KPNA7: variants seen among roughly 807,000 people sequenced by gnomAD.
KPNA7 encodes the protein importin subunit alpha-8.
Under a neutral mutation model 53.7 loss-of-function variants are expected in KPNA7, and 54 were observed. The observed-to-expected ratio is 1.01, with a 90% CI of 0.81 to 1.26. The LOEUF (loss-of-function observed/expected upper bound fraction) is 1.26, where lower values mean the gene tolerates loss of function less well. Ranked by LOEUF, KPNA7 falls within the 50% of genes most tolerant of loss-of-function variation. KPNA7 has a pLI of 0.00. For synonymous variants in KPNA7, 276 were observed against 259.3 expected (o/e 1.06, Z -0.62); for missense variants, 640 against 644.5 (o/e 0.99, Z 0.07).
the KPNA7 span, among the ~76,000 whole-genome samples, chr7:99,157,188 T>C: frequency 6.6e-6 from 1 of 152,290 alleles, no homozygotes; most frequent in East Asian, 1.9e-4. Flanking sequence ...ATGGTTGTTT[T>C]GTTCATTTGC....
At chr7:99,205,273 A>T (rs1478061012) in intron 2 of KPNA7, among the ~76,000 whole-genome samples, 2 of 151,846 alleles carry the variant, frequency 1.3e-5, no homozygotes, top group Non-Finnish European at 2.9e-5. Flanking sequence ...ATGCAAAAAA[A>T]AAAATTAGCC....
At chr7:99,172,615 C>G (rs1745626255), downstream of KPNA7, among the ~76,000 whole-genome samples, 1 of 152,112 alleles carries the variant, frequency 6.6e-6, no homozygotes, top group Non-Finnish European at 1.5e-5. Context: ...CACACGCACT[C>G]TCTTTCTTTC....
At chr7:99,215,757 GA>G (rs1380951881) in intron 1 of KPNA7, among the ~76,000 whole-genome samples, 1 of 151,994 alleles carries the variant, frequency 6.6e-6, no homozygotes, top group East Asian at 1.9e-4. Context: ...AGGATTATTT[GA>G]GACCAGGAGT....
At chr7:99,193,529 A>G (rs1790070190) in intron 5 of KPNA7, among the ~76,000 whole-genome samples, 1 of 152,248 alleles carries the variant, frequency 6.6e-6, no homozygotes, top group Non-Finnish European at 1.5e-5. Context: ...TAACAATTTT[A>G]GACCCTAGAA....
chr7:99,174,350 T>TA (rs1455372578), intron 10 of KPNA7, among the ~76,000 whole-genome samples: 1 of 152,142 alleles, frequency 6.6e-6, no homozygotes, highest in Non-Finnish European at 1.5e-5. Flanking sequence ...GATTCTGCAT[T>TA]ACGATGAGCT....
At position 99,173,597 on chromosome 7, in the gene KPNA7, G is replaced by T; in HGVS notation, c.*111C>A. The T allele has an allele frequency of 4.4e-5, 27 of 616,310 alleles. No homozygotes were observed. Among genetic ancestry groups the T allele is most frequent in the East Asian group, 1.2e-4 (4 of 33,646 alleles). 38.2% of individuals were successfully genotyped at this position (616,310 alleles called of 1,614,324 possible). On this transcript the variant is annotated 3_prime_UTR_variant, in exon 11 of 11. Transcript: ENST00000327442. ...TGAAAGTGTTGAACATTTTATTAAT[G>T]TCAAGTTTTAAAAGCTTCACATTTG...
At chr7:99,185,267 G>A (rs547189051) in intron 7 of KPNA7, 105 bp from the exon 8 acceptor site, 3 of 766,662 alleles carry the variant, frequency 3.9e-6, no homozygotes, top group East Asian at 2.7e-5. Flanking sequence ...TGCTATAGCC[G>A]ATGGTTGTCT....
At chr7:99,169,451 C>T (rs967499327), downstream of KPNA7, among the ~76,000 whole-genome samples, 1 of 151,566 alleles carries the variant, frequency 6.6e-6, no homozygotes, top group Non-Finnish European at 1.5e-5. Flanking sequence ...GAAACCCTAT[C>T]TGTACTAAAA....
chr7:99,178,133 G>A (rs913605756), intron 9 of KPNA7, 67 bp from the exon 10 acceptor site: 3 of 1,426,708 alleles, frequency 2.1e-6, no homozygotes, highest in Non-Finnish European at 2.9e-6. Flanking sequence ...GACTCTGTCA[G>A]CCCTCAAGGG....
chr7:99,180,789 CTG>C (rs201261981), intron 9 of KPNA7, among the ~76,000 whole-genome samples: 490 of 24,134 alleles, frequency 0.02, 96 homozygotes, highest in Middle Eastern at 0.071. Context: ...CTCTCCCCGT[CTG>C]TGTCTCTCTC....
At position 99,203,202 on chromosome 7, in the gene KPNA7, G is replaced by A; in HGVS notation, c.105C>T (p.Leu35=). The change falls in exon 3 of 11, where the codon CTC becomes CTT. Residue 35 remains leucine, a synonymous_variant. Transcript: ENST00000327442. ...TCTGTTCATCTTTCTTGGCCTTTCGGAGCTCCAGACTGACCGCCATCCTCT... is the reference window on the plus strand; with the variant it reads ...TCTGTTCATCTTTCTTGGCCTTTCGAAGCTCCAGACTGACCGCCATCCTCT... ...RQQRMAVSLE[L]RKAKKDEQTL... is the part of the protein sequence containing the mutation. 6.4e-7 allele frequency: 1 copy of A among 1,551,662 alleles called. No individual in the cohort carries two copies. Among genetic ancestry groups the A allele is most frequent in the Admixed American group, 2.0e-5 (1 of 50,970 alleles).
chr7:99,207,797 G>A (rs748981357), intron 1 of KPNA7, among the ~76,000 whole-genome samples: 3 of 150,850 alleles, frequency 2.0e-5, no homozygotes, highest in African/African-American at 7.3e-5. Flanking sequence ...CACCACGCCC[G>A]GCTAATTTTT....
downstream of KPNA7, among the ~76,000 whole-genome samples, chr7:99,170,293 C>A (rs573138157): frequency 6.6e-6 from 1 of 151,980 alleles, no homozygotes; most frequent in African/African-American, 2.4e-5. Context: ...TAGGATCTTG[C>A]GCTAATGAAG....
the KPNA7 span, among the ~76,000 whole-genome samples, chr7:99,152,673 C>A: frequency 2.0e-5 from 3 of 152,208 alleles, no homozygotes; most frequent in African/African-American, 7.2e-5. Flanking sequence ...GCAGCCCCAA[C>A]CTTTGCTATT....
At chr7:99,197,835 G>T (rs934939600) in intron 3 of KPNA7, among the ~76,000 whole-genome samples, 5 of 152,172 alleles carry the variant, frequency 3.3e-5, no homozygotes, top group Admixed American at 3.3e-4. Context: ...GATCTTTAGA[G>T]ATCTGTGGGA....
At chr7:99,182,299 G>A (rs1789297118) in intron 8 of KPNA7, among the ~76,000 whole-genome samples, 1 of 152,182 alleles carries the variant, frequency 6.6e-6, no homozygotes, top group African/African-American at 2.4e-5. Flanking sequence ...CCAGGTTCAA[G>A]CGATTCTCCT....
the KPNA7 span, among the ~76,000 whole-genome samples, chr7:99,150,995 G>A: frequency 3.9e-5 from 6 of 152,314 alleles, no homozygotes; most frequent in East Asian, 1.2e-3. Context: ...CAAGAAAGGG[G>A]TGGGGAGCTG....
At chr7:99,196,259 C>T in intron 3 of KPNA7, 93 bp from the exon 4 acceptor site, 1 of 853,590 alleles carries the variant, frequency 1.2e-6, no homozygotes, top group Non-Finnish European at 1.9e-6. Flanking sequence ...TTAAAACAGC[C>T]TGGCTTGAAC....
intron 7 of KPNA7, among the ~76,000 whole-genome samples, chr7:99,186,913 G>A (rs1789624375): frequency 6.6e-6 from 1 of 152,146 alleles, no homozygotes; most frequent in African/African-American, 2.4e-5. Flanking sequence ...AGAAAATAAA[G>A]AGCAGGCAGC....
Sources: gnomAD v4.1 joint callset for allele counts (sites outside exome capture counted in the v4.1 genomes callset) on GRCh38, gnomAD v4.1.1 for gene constraint, MANE v1.5 for transcripts, NCBI Gene and HGNC (gene_info 2026-07-23, HGNC 2026-07-21) for gene names.